Variants in RANBP17 observed in about 807,000 individuals in gnomAD.
RANBP17 encodes the protein RAN binding protein 17.
In RANBP17, 158 loss-of-function variants were observed where a neutral mutation model predicts 141.2. That is an observed-to-expected ratio of 1.12 (90% confidence interval 0.98 to 1.28). The LOEUF is 1.28. RANBP17 is among the 50% of genes most tolerant of loss of function. The pLI, the probability that RANBP17 is intolerant of heterozygous loss-of-function variation, is 0.00. For missense variants in RANBP17, 1,438 were observed against 1,290.7 expected (o/e 1.11, Z -1.75); for synonymous variants, 430 against 450.0 (o/e 0.96, Z 0.56).
chr5:171,042,022 C>T (rs192970821), intron 14 of RANBP17, among the ~76,000 whole-genome samples: 21 of 152,218 alleles, frequency 1.4e-4, no homozygotes, highest in Admixed American at 2.6e-4. Context: ...TGTTAGTTTG[C>T]TGAGGATAAT....
intron 22 of RANBP17, among the ~76,000 whole-genome samples, chr5:171,222,855 C>T (rs889648576): frequency 1.3e-5 from 2 of 152,172 alleles, no homozygotes; most frequent in Admixed American, 6.5e-5. Context: ...TCTTGAACTC[C>T]TGACCTCAAG....
chr5:170,908,483 A>G (rs1054049108), intron 5 of RANBP17, among the ~76,000 whole-genome samples: 2 of 151,682 alleles, frequency 1.3e-5, no homozygotes, highest in Admixed American at 6.6e-5. Flanking sequence ...GGACATAAAG[A>G]TGGCAACAGT....
In RANBP17 at chr5:171,295,970, A is replaced by C. The variant is rs890919032; in HGVS notation, c.3126A>C (p.Leu1042=). ...TCCTTGCCCAGTGCTTCAGAAACCT[A>C]ATGGAAGGAGTGGAGCAGAACCTGT... ...QEVLAQCFRN[L]MEGVEQNLSV... is the part of the protein sequence containing the mutation. The change falls in exon 27 of 28, where the codon CTA becomes CTC. Residue 1042 remains leucine (L), a synonymous_variant. Coordinates refer to ENST00000523189, the MANE Select transcript of RANBP17 (RefSeq NM_022897.5). 5.6e-6 allele frequency: 9 copies of C among 1,613,736 alleles called. No individual in the cohort carries two copies. The highest frequency in any genetic ancestry group is 1.6e-4 in the Middle Eastern group (1 of 6,082).
chr5:171,059,241 G>A (rs1416984544), intron 14 of RANBP17, among the ~76,000 whole-genome samples: 1 of 152,046 alleles, frequency 6.6e-6, no homozygotes, highest in Non-Finnish European at 1.5e-5. Flanking sequence ...CCTTGCCCAT[G>A]CCTATGTCCT....
At chr5:170,959,895 A>ATT (rs1458209318) in intron 13 of RANBP17, among the ~76,000 whole-genome samples, 1 of 152,208 alleles carries the variant, frequency 6.6e-6, no homozygotes, top group Non-Finnish European at 1.5e-5. Context: ...CAGGGATGGC[A>ATT]GAGGCGCAAG....
chr5:170,915,759 C>G (rs575436867), intron 8 of RANBP17, among the ~76,000 whole-genome samples: 212 of 152,158 alleles, frequency 1.4e-3, no homozygotes, highest in Non-Finnish European at 2.0e-3. Flanking sequence ...CTGCCCCCCC[C>G]AACAGGATAC....
chr5:171,203,136 A>G (rs1024668595), intron 19 of RANBP17, among the ~76,000 whole-genome samples: 5 of 152,196 alleles, frequency 3.3e-5, no homozygotes, highest in African/African-American at 1.2e-4. Flanking sequence ...CTAAAAATAC[A>G]AGAGCCTGTC....
chr5:171,193,134 T>C lies in RANBP17; in HGVS notation c.2039-6536T>C, dbSNP rs1046695648. On this transcript the variant is annotated intron_variant, in intron 18 of 27. Transcript: ENST00000523189. ...CGCCCAGTGCCTATGTCTCCTTGTT[T>C]ATCTCTCCTCTTAATTTTCCTTAGT... 5.9e-5 allele frequency among the ~76,000 whole-genome samples: 9 copies of C among 152,234 alleles called. No individual in the cohort carries two copies. The East Asian group carries it at 1.7e-3, about 29-fold the overall frequency.
intron 14 of RANBP17, among the ~76,000 whole-genome samples, chr5:171,158,865 CT>C (rs1442570047): frequency 6.6e-6 from 1 of 152,174 alleles, no homozygotes; most frequent in Admixed American, 6.5e-5. Flanking sequence ...ACTCTCTAAC[CT>C]TCCTAAAGAT....
intron 1 of RANBP17, among the ~76,000 whole-genome samples, chr5:170,865,841 C>T (rs528655099): frequency 1.3e-5 from 2 of 152,150 alleles, no homozygotes; most frequent in Non-Finnish European, 2.9e-5. Context: ...GTTACAGGGA[C>T]AGGATACAGA....
At chr5:171,054,978 C>T (rs542513545) in intron 14 of RANBP17, among the ~76,000 whole-genome samples, 5 of 152,170 alleles carry the variant, frequency 3.3e-5, no homozygotes, top group East Asian at 3.9e-4. Flanking sequence ...TCTTGAGATC[C>T]GACAGAAGGT....
chr5:171,131,496 G>C (rs901512673), intron 14 of RANBP17, among the ~76,000 whole-genome samples: 1 of 152,194 alleles, frequency 6.6e-6, no homozygotes, highest in Non-Finnish European at 1.5e-5. Flanking sequence ...CTAAGATCCA[G>C]TAGTTCATTA....
At chr5:171,010,557 C>G (rs368942715) in intron 14 of RANBP17, among the ~76,000 whole-genome samples, 109 of 152,114 alleles carry the variant, frequency 7.2e-4, no homozygotes, top group African/African-American at 2.5e-3. Context: ...GGAAAGGCAA[C>G]TCATTGGAAA....
chr5:170,931,139 A>T (rs1246268063), intron 12 of RANBP17, among the ~76,000 whole-genome samples: 1 of 152,004 alleles, frequency 6.6e-6, no homozygotes, highest in East Asian at 1.9e-4. Flanking sequence ...TGTGGTTTTG[A>T]TTTGCATTTC....
At chr5:170,949,740 AAAC>A (rs1775054033) in intron 12 of RANBP17, among the ~76,000 whole-genome samples, 1 of 152,190 alleles carries the variant, frequency 6.6e-6, no homozygotes. Flanking sequence ...AGAGAAATGA[AAAC>A]ATACATCCAC....
Position 170,919,877 on chromosome 5 carries a change from T to A in RANBP17, c.1274+264T>A, listed in dbSNP as rs991118327. Among the ~76,000 whole-genome samples the A allele has an allele frequency of 2.6e-5, 4 of 152,244 alleles. No individual in the cohort carries two copies. The East Asian group carries it at 7.7e-4, about 29-fold the overall frequency. ...TGATCTGTTTTGTGTACCTGTAATT[T>A]TTTTTTTGTCTTTTCCAGAATGTTG... On this transcript the variant is annotated intron_variant, in intron 11 of 27. Coordinates refer to ENST00000523189, the MANE Select transcript of RANBP17 (RefSeq NM_022897.5).
intron 12 of RANBP17, among the ~76,000 whole-genome samples, chr5:170,928,693 C>T (rs1004514975): frequency 2.0e-5 from 3 of 151,848 alleles, no homozygotes; most frequent in African/African-American, 7.3e-5. Flanking sequence ...ATATGTTTAT[C>T]CTTATGCTAA....
chr5:171,155,077 A>AG (rs1243892157), intron 14 of RANBP17, among the ~76,000 whole-genome samples: 21 of 47,830 alleles, frequency 4.4e-4, no homozygotes, highest in South Asian at 1.2e-3. Context: ...TACTCCATCT[A>AG]GAAAAAAAAA....
At chr5:171,021,553 C>T (rs1293088256) in intron 14 of RANBP17, among the ~76,000 whole-genome samples, 5 of 152,080 alleles carry the variant, frequency 3.3e-5, no homozygotes, top group African/African-American at 1.2e-4. Context: ...TTTCTTCCAC[C>T]TGATCCATTC....
Sources: gnomAD v4.1 joint callset for allele counts (sites outside exome capture counted in the v4.1 genomes callset) on GRCh38, gnomAD v4.1.1 for gene constraint, MANE v1.5 for transcripts, NCBI Gene and HGNC (gene_info 2026-07-23, HGNC 2026-07-21) for gene names.